The following MLXIPL variants were observed in gnomAD, a reference collection of about 807,000 sequenced individuals.
The protein encoded by MLXIPL is MLX interacting protein like, also known as carbohydrate-responsive element-binding protein.
In MLXIPL, 49 loss-of-function variants were observed where a neutral mutation model predicts 81.5. That is an observed-to-expected ratio of 0.60 (90% confidence interval 0.48 to 0.76). The LOEUF (loss-of-function observed/expected upper bound fraction) is 0.76. Among genes scored for constraint, MLXIPL ranks in the 30% least tolerant of loss-of-function variants. MLXIPL has a pLI of 0.00. For missense variants in MLXIPL, 1,053 were observed against 1,167.0 expected (o/e 0.90, Z 1.42); for synonymous variants, 466 against 485.5 (o/e 0.96, Z 0.53).
At chr7:73,622,782 A>G (rs1226762396) in intron 1 of MLXIPL, among the ~76,000 whole-genome samples, 1 of 151,878 alleles carries the variant, frequency 6.6e-6, no homozygotes, top group African/African-American at 2.4e-5. Flanking sequence ...TCTGTCCCTT[A>G]CCTTGCCAGC....
rs782494914 is a variant in MLXIPL, at chr7:73,595,984, A to AG, written c.2059-16dup. On this transcript the variant is annotated splice_polypyrimidine_tract_variant and intron_variant, in intron 13 of 16. Transcript: ENST00000313375. ...GCTTTGCTCACCTGCAGACGCCACC[A>AG]GGGGGGCTCAGGCAGGTGCTAGAGG... 1 of 1,611,826 alleles carries AG rather than the reference A, an allele frequency of 6.2e-7. No individual in the cohort carries two copies. Among genetic ancestry groups the AG allele is most frequent in the Non-Finnish European group, 8.5e-7 (1 of 1,179,896 alleles).
At chr7:73,598,093 T>A (rs965585605) in intron 8 of MLXIPL, among the ~76,000 whole-genome samples, 1 of 151,744 alleles carries the variant, frequency 6.6e-6, no homozygotes, top group East Asian at 1.9e-4. Context: ...TGTCCACTGA[T>A]CCATCCACCA....
At chr7:73,626,449 C>T (rs1796750047), upstream of MLXIPL, among the ~76,000 whole-genome samples, 1 of 151,614 alleles carries the variant, frequency 6.6e-6, no homozygotes, top group Admixed American at 6.6e-5. Flanking sequence ...ACTACAGGCT[C>T]ATGCCACCAA....
At chr7:73,640,736 C>T in the MLXIPL span, among the ~76,000 whole-genome samples, 1 of 145,836 alleles carries the variant, frequency 6.9e-6, no homozygotes, top group South Asian at 2.2e-4. Context: ...AAGATTGCAC[C>T]ACTGTACTCC....
At chr7:73,629,979 TTTA>T in the MLXIPL span, among the ~76,000 whole-genome samples, 6 of 20,538 alleles carry the variant, frequency 2.9e-4, no homozygotes, top group South Asian at 7.0e-3. Context: ...ATTATTTTTA[TTTA>T]TTTATTTATT....
chr7:73,616,848 CAA>C (rs35467108), intron 1 of MLXIPL, among the ~76,000 whole-genome samples: 5 of 51,628 alleles, frequency 9.7e-5, no homozygotes, highest in Non-Finnish European at 1.1e-4. Context: ...AACTCCGTCT[CAA>C]AAAAAAAAAA....
At chr7:73,617,716 T>G (rs1796086351) in intron 1 of MLXIPL, among the ~76,000 whole-genome samples, 1 of 152,012 alleles carries the variant, frequency 6.6e-6, no homozygotes, top group Non-Finnish European at 1.5e-5. Context: ...TGTGGTGGCA[T>G]GCACCTATAG....
intron 2 of MLXIPL, among the ~76,000 whole-genome samples, 159 bp downstream of exon 2, chr7:73,615,912 C>CA (rs71082239): frequency 0.077 from 4,003 of 51,884 alleles, 109 homozygotes; most frequent in Non-Finnish European, 0.11. Flanking sequence ...GACTGTGTCT[C>CA]AAAAAAAAAA....
intron 5 of MLXIPL, chr7:73,606,428 CTT>C (rs539124816): frequency 0.029 from 8,565 of 291,880 alleles, 72 homozygotes; most frequent in African/African-American, 0.065. Flanking sequence ...TTTTCTTTTT[CTT>C]TTTTTTTTTT....
chr7:73,607,291 G>A, intron 4 of MLXIPL, 40 bp downstream of exon 4: 1 of 1,530,096 alleles, frequency 6.5e-7, no homozygotes, highest in African/African-American at 1.4e-5. Context: ...GCAGCCGCAG[G>A]AGGAAAGCTC....
chr7:73,634,671 A>T, the MLXIPL span, among the ~76,000 whole-genome samples: 1 of 151,996 alleles, frequency 6.6e-6, no homozygotes, highest in Non-Finnish European at 1.5e-5. Context: ...CCGGGATTAC[A>T]AGCGTGAGCC....
the MLXIPL span, among the ~76,000 whole-genome samples, chr7:73,639,112 A>G: frequency 5.9e-5 from 9 of 152,036 alleles, no homozygotes; most frequent in Admixed American, 5.9e-4. Context: ...CGGTGGCACA[A>G]TGTTATTTGC....
chr7:73,637,059 C>CAAA, the MLXIPL span, among the ~76,000 whole-genome samples: 3 of 119,630 alleles, frequency 2.5e-5, no homozygotes, highest in Non-Finnish European at 3.5e-5. Context: ...GATTCCATCT[C>CAAA]AAAAAAAAAA....
intron 7 of MLXIPL, among the ~76,000 whole-genome samples, chr7:73,601,361 C>A (rs1554596209): frequency 6.6e-6 from 1 of 151,848 alleles, no homozygotes; most frequent in Non-Finnish European, 1.5e-5. Context: ...TGGGAGACAG[C>A]AGGGGACTGT....
At chr7:73,624,652 C>G, upstream of MLXIPL, 12 of 1,315,426 alleles carry the variant, frequency 9.1e-6, no homozygotes, top group South Asian at 5.9e-5. Flanking sequence ...ATAATCCTTA[C>G]GCCAGGTGAG....
At chr7:73,629,274 T>G (rs534521795), upstream of MLXIPL, among the ~76,000 whole-genome samples, 12 of 152,084 alleles carry the variant, frequency 7.9e-5, no homozygotes, top group African/African-American at 2.7e-4. Flanking sequence ...ACTCCTAACC[T>G]CGTGATCCAC....
Position 73,596,936 on chromosome 7 carries a change from T to G in MLXIPL, c.1604-4A>C. 2 of 1,608,244 alleles carry G rather than the reference T, an allele frequency of 1.2e-6. No individual in the cohort carries two copies. The highest frequency in any genetic ancestry group is 2.2e-5 in the South Asian group (2 of 89,972). On this transcript the variant is annotated splice_polypyrimidine_tract_variant and splice_region_variant and intron_variant, in intron 9 of 16. Transcript: ENST00000313375. The surrounding 1 kb of genome is among the most constrained non-coding windows in gnomAD (Gnocchi z 4.7). Reference sequence around the variant, plus strand: ...TCCAGGGCTTGCTCCGGCTTAGCTGTGCACGGGCAGAACCGTGAGGCTACT... The same window carrying G: ...TCCAGGGCTTGCTCCGGCTTAGCTGGGCACGGGCAGAACCGTGAGGCTACT...
At chr7:73,633,375 C>T in the MLXIPL span, among the ~76,000 whole-genome samples, 5 of 149,056 alleles carry the variant, frequency 3.4e-5, no homozygotes, top group African/African-American at 1.2e-4. Flanking sequence ...GATGAAGTCT[C>T]ACTCTGTCAC....
rs72649027 is a variant in MLXIPL, at chr7:73,607,629, G to C, written c.444C>G (p.Pro148=). 6.8e-3 allele frequency: 11,005 copies of C among 1,613,480 alleles called. 42 individuals carry two copies. The highest frequency in any genetic ancestry group is 8.2e-3 in the Non-Finnish European group (9,664 of 1,180,000). ...GCGCATCAGCCTCAGGCCCCTGCAG[G>C]GGGGTCACGAAGCCACACACGGGGC... The part of the protein sequence containing the change: ...RKSPVCGFVT[P]LQGPEADAHR... Residue 148 remains proline (P), a synonymous_variant, in exon 3 of 17, where the codon CCC becomes CCG. Transcript: ENST00000313375.
Sources: gnomAD v4.1 joint callset for allele counts (sites outside exome capture counted in the v4.1 genomes callset) on GRCh38, gnomAD v4.1.1 for gene constraint, Gnocchi (gnomAD v3.1) non-coding constraint, MANE v1.5 for transcripts, NCBI Gene and HGNC (gene_info 2026-07-23, HGNC 2026-07-21) for gene names.